The following GSN variants were observed in gnomAD, a reference collection of about 807,000 sequenced individuals.
GSN encodes gelsolin, also known as actin-depolymerizing factor.
In GSN, 56 loss-of-function variants were observed where a neutral mutation model predicts 85.7. That is an observed-to-expected ratio of 0.65 (90% CI 0.53 to 0.82). The LOEUF is 0.82. Among genes scored for constraint, GSN ranks in the 40% least tolerant of loss-of-function variants. The pLI is 0.00. For synonymous variants in GSN, 373 were observed against 399.1 expected (o/e 0.93, Z 0.78); for missense variants, 857 against 979.8 (o/e 0.87, Z 1.67).
At chr9:121,206,339 G>A (rs2053880924), upstream of GSN, among the ~76,000 whole-genome samples, 1 of 152,036 alleles carries the variant, frequency 6.6e-6, no homozygotes, top group Non-Finnish European at 1.5e-5. Context: ...TCAAAATTTA[G>A]TAGGTTGACA....
At position 121,299,299 on chromosome 9, in the gene GSN, C is replaced by A. The variant is rs1202581211; in HGVS notation, c.-9-2664C>A. 6 of 985,124 alleles carry A rather than the reference C, an allele frequency of 6.1e-6. No homozygotes were observed. Among genetic ancestry groups the A allele is most frequent in the Admixed American group, 1.2e-4 (2 of 16,270 alleles). The allele number at this position is 985,124 out of a possible 1,614,324, so 61.0% of individuals were successfully genotyped here. A position where few individuals can be genotyped will look rare whatever the true frequency, so the allele number is the denominator to read the frequency against. On this transcript the variant is annotated intron_variant, in intron 2 of 17. Coordinates refer to ENST00000432226, the MANE Select transcript of GSN (RefSeq NM_198252.3). This position sits in a 1 kb window ranked among gnomAD's most constrained non-coding sequence, Gnocchi z 4.2. ...AGCCGGGTCCCCTGCCCTGCTGCGG[C>A]GCATGCTGCCTGGTGGGGGTTCTGC...
intron 6 of GSN, 31 bp downstream of exon 6, chr9:121,312,519 T>A: frequency 6.4e-7 from 1 of 1,554,582 alleles, no homozygotes; most frequent in Non-Finnish European, 8.7e-7. Context: ...GGGGTGGCCA[T>A]GGGGACACGC....
At chr9:121,309,224 A>G (rs1242696903) in intron 4 of GSN, 2 of 152,046 alleles carry the variant, frequency 1.3e-5, no homozygotes, top group African/African-American at 2.4e-5. Context: ...TGATTTGACA[A>G]CTCTGGGGCA....
chr9:121,319,487 CTTT>C (rs754579668), intron 10 of GSN, among the ~76,000 whole-genome samples: 2 of 141,054 alleles, frequency 1.4e-5, no homozygotes, highest in African/African-American at 2.6e-5. Context: ...TATGCTTTAT[CTTT>C]TTTTTTTTTT....
intron 6 of GSN, among the ~76,000 whole-genome samples, chr9:121,262,745 T>G (rs920057202): frequency 9.8e-5 from 15 of 152,326 alleles, no homozygotes; most frequent in African/African-American, 3.6e-4. Context: ...AACACAAAGT[T>G]TTAAGTTCTC....
intron 10 of GSN, among the ~76,000 whole-genome samples, chr9:121,320,828 C>A (rs2062346654): frequency 6.6e-6 from 1 of 152,136 alleles, no homozygotes; most frequent in African/African-American, 2.4e-5. Context: ...TCGTTTGAGC[C>A]TCACAGTACT....
At chr9:121,331,190 T>A (rs1017025320) in intron 16 of GSN, among the ~76,000 whole-genome samples, 198 bp from the exon 17 acceptor site, 1 of 152,172 alleles carries the variant, frequency 6.6e-6, no homozygotes, top group African/African-American at 2.4e-5. Context: ...CACAAGGTGG[T>A]GGGTGAGCAA....
At chr9:121,260,355 T>A (rs2055055781) in intron 6 of GSN, among the ~76,000 whole-genome samples, 1 of 152,222 alleles carries the variant, frequency 6.6e-6, no homozygotes, top group Admixed American at 6.5e-5. Context: ...TTTCTCAAGT[T>A]GGTGGTTTTG....
chr9:121,310,427 C>T, intron 4 of GSN: 2 of 513,508 alleles, frequency 3.9e-6, no homozygotes, highest in South Asian at 4.1e-5. Flanking sequence ...ATGCAGTGGG[C>T]AGGGAATCTC....
chr9:121,254,110 T>A (rs1486976608), intron 6 of GSN, among the ~76,000 whole-genome samples: 1 of 152,124 alleles, frequency 6.6e-6, no homozygotes, highest in Admixed American at 6.6e-5. Flanking sequence ...CATCAGCAAT[T>A]AAAACAAGCC....
At chr9:121,259,867 T>G (rs2132272988) in intron 6 of GSN, among the ~76,000 whole-genome samples, 1 of 152,330 alleles carries the variant, frequency 6.6e-6, no homozygotes, top group South Asian at 2.1e-4. Flanking sequence ...TAACTGCTTT[T>G]CTTCTTCAGC....
intron 4 of GSN, among the ~76,000 whole-genome samples, chr9:121,225,818 T>C (rs1403725620): frequency 6.6e-6 from 1 of 152,194 alleles, no homozygotes; most frequent in Non-Finnish European, 1.5e-5. Flanking sequence ...TTTCTTCTTT[T>C]TTTGGAGACA....
At chr9:121,325,507 C>G (rs1205683300) in intron 12 of GSN, among the ~76,000 whole-genome samples, 1 of 152,184 alleles carries the variant, frequency 6.6e-6, no homozygotes, top group Non-Finnish European at 1.5e-5. Flanking sequence ...GACCTTGATG[C>G]TGAGAACAAC....
At chr9:121,267,365 T>A (rs2055262967), upstream of GSN, among the ~76,000 whole-genome samples, 1 of 152,212 alleles carries the variant, frequency 6.6e-6, no homozygotes, top group African/African-American at 2.4e-5. Flanking sequence ...TAAAACAGTA[T>A]CTGCCATGAC....
intron 6 of GSN, among the ~76,000 whole-genome samples, chr9:121,249,564 C>T (rs939414431): frequency 2.0e-5 from 3 of 152,176 alleles, no homozygotes; most frequent in Non-Finnish European, 4.4e-5. Context: ...CCTTATCATC[C>T]CTTCCTTTCA....
At position 121,321,279 on chromosome 9, in the gene GSN, C is replaced by T. The variant is rs202240818; in HGVS notation, c.1203C>T (p.Ile401=). 41 of 1,614,046 alleles carry T rather than the reference C, an allele frequency of 2.5e-5. No homozygotes were observed. Among genetic ancestry groups the T allele is most frequent in the Admixed American group, 2.5e-4 (15 of 60,026 alleles). The change falls in exon 11 of 18, where the codon ATC becomes ATT. Residue 401 remains isoleucine, a synonymous_variant. Transcript: ENST00000432226. The part of the protein sequence containing the change: ...DGTGQKQIWR[I]EGSNKVPVDP... ...CTTTGCTCCTGCAGATCTGGAGAAT[C>T]GAAGGTTCCAACAAGGTGCCCGTGG...
At chr9:121,276,427 G>C (rs1428405593) in intron 1 of GSN, among the ~76,000 whole-genome samples, 1 of 152,186 alleles carries the variant, frequency 6.6e-6, no homozygotes, top group African/African-American at 2.4e-5. Flanking sequence ...CATGGCTAGA[G>C]CCCACGCCAG....
chr9:121,313,944 C>T lies in GSN; in HGVS notation c.674C>T (p.Pro225Leu), dbSNP rs1486745626. ...CTCTATCTCCTACAGGTGCTGGGCC[C>T]CAAGCCGGCTCTGCCTGCAGGTACC... Reference protein sequence around the residue: ...EPEAMLQVLGPKPALPAGTED... With the variant: ...EPEAMLQVLGLKPALPAGTED... The change falls in exon 7 of 18, where the codon CCC becomes CTC. Residue 225 changes from proline (P) to leucine (L), a missense_variant. Pro to Leu is a moderately conservative substitution (Grantham distance 98). Transcript: ENST00000432226. 1 of 1,614,012 alleles carries T rather than the reference C, an allele frequency of 6.2e-7. No individual in the cohort carries two copies. The highest frequency in any genetic ancestry group is 8.5e-7 in the Non-Finnish European group (1 of 1,179,838).
At chr9:121,286,995 C>T (rs983200740) in intron 2 of GSN, among the ~76,000 whole-genome samples, 3 of 152,160 alleles carry the variant, frequency 2.0e-5, no homozygotes, top group Admixed American at 6.5e-5. Flanking sequence ...GTGTTATTTG[C>T]AGATGGGGAC....
Sources: gnomAD v4.1 joint callset for allele counts (sites outside exome capture counted in the v4.1 genomes callset) on GRCh38, gnomAD v4.1.1 for gene constraint, Gnocchi (gnomAD v3.1) non-coding constraint, MANE v1.5 for transcripts, NCBI Gene and HGNC (gene_info 2026-07-23, HGNC 2026-07-21) for gene names.